Variants in PCNX2 observed in about 807,000 individuals in gnomAD.
PCNX2 encodes pecanex 2.
Under a neutral mutation model 223.8 loss-of-function variants are expected in PCNX2, and 168 were observed. The observed-to-expected ratio is 0.75, with a 90% confidence interval of 0.66 to 0.85. The LOEUF is 0.85. PCNX2 is among the 40% of genes least tolerant of loss of function. The pLI, the probability that PCNX2 is intolerant of heterozygous loss-of-function variation, is 0.00. For synonymous variants in PCNX2, 1,006 were observed against 1,052.6 expected (o/e 0.96, Z 0.86); for missense variants, 2,507 against 2,675.5 (o/e 0.94, Z 1.39).
chr1:233,110,724 A>G (rs1461952559), intron 21 of PCNX2, among the ~76,000 whole-genome samples: 1 of 151,930 alleles, frequency 6.6e-6, no homozygotes, highest in Admixed American at 6.6e-5. Context: ...TAAATATATG[A>G]CAATAATAGC....
chr1:233,109,879 C>T (rs1191576439), intron 21 of PCNX2, among the ~76,000 whole-genome samples: 4 of 152,162 alleles, frequency 2.6e-5, no homozygotes, highest in Non-Finnish European at 2.9e-5. Context: ...CTTTGGGAGG[C>T]CCAGGCGGGC....
chr1:233,308,699 A>T, the PCNX2 span, among the ~76,000 whole-genome samples: 1 of 152,286 alleles, frequency 6.6e-6, no homozygotes, highest in South Asian at 2.1e-4. Flanking sequence ...AATAGAGAAC[A>T]TCTAAAAAGA....
Position 233,119,018 on chromosome 1 carries a change from T to C in PCNX2, c.3837+15995A>G, listed in dbSNP as rs146049695. Among the ~76,000 whole-genome samples the C allele has an allele frequency of 8.2e-3, 1,248 of 152,152 alleles. 15 individuals are homozygous for C. Among genetic ancestry groups the C allele is most frequent in the African/African-American group, 0.027 (1,120 of 41,510 alleles). On this transcript the variant is annotated intron_variant, in intron 21 of 33. Transcript: ENST00000258229. Reference sequence around the variant, plus strand: ...GTGAAGGGATAAACAGATGGGTCAATAGAATAAAATATAGCACTCAGAAAT... The same window carrying C: ...GTGAAGGGATAAACAGATGGGTCAACAGAATAAAATATAGCACTCAGAAAT...
chr1:233,115,231 C>T (rs577992025), intron 21 of PCNX2, among the ~76,000 whole-genome samples: 111 of 151,902 alleles, frequency 7.3e-4, no homozygotes, highest in African/African-American at 2.3e-3. Flanking sequence ...GGTTACAGCC[C>T]GGAGACACAG....
chr1:233,312,616 G>A, the PCNX2 span, among the ~76,000 whole-genome samples: 1 of 152,140 alleles, frequency 6.6e-6, no homozygotes, highest in Non-Finnish European at 1.5e-5. Context: ...CAAATTCTCT[G>A]TATGAAGGTA....
At chr1:233,004,590 C>T (rs1303916996) in intron 28 of PCNX2, among the ~76,000 whole-genome samples, 2 of 152,098 alleles carry the variant, frequency 1.3e-5, no homozygotes, top group African/African-American at 4.8e-5. Flanking sequence ...CTGACAGGGC[C>T]GGCCTGGGAC....
chr1:233,265,124 T>C (rs1660259048), intron 1 of PCNX2, among the ~76,000 whole-genome samples: 1 of 151,894 alleles, frequency 6.6e-6, no homozygotes, highest in African/African-American at 2.4e-5. Flanking sequence ...GCACCTATAG[T>C]CCTTGCTACT....
At chr1:233,280,197 G>T (rs965062982) in intron 1 of PCNX2, among the ~76,000 whole-genome samples, 1 of 151,752 alleles carries the variant, frequency 6.6e-6, no homozygotes, top group Admixed American at 6.6e-5. Context: ...CCTGTTTCTA[G>T]TCATCTGCTA....
intron 28 of PCNX2, among the ~76,000 whole-genome samples, chr1:233,002,439 C>T (rs936101456): frequency 1.3e-5 from 2 of 152,080 alleles, no homozygotes; most frequent in Admixed American, 6.5e-5. Context: ...CCTAGGAATA[C>T]AACTTACAAG....
At chr1:233,046,739 C>G (rs1013108092) in intron 25 of PCNX2, among the ~76,000 whole-genome samples, 2 of 152,194 alleles carry the variant, frequency 1.3e-5, no homozygotes, top group African/African-American at 4.8e-5. Context: ...TTGGGGATGG[C>G]TACATCTGTC....
chr1:233,218,119 A>C lies in PCNX2; in HGVS notation c.2570T>G (p.Phe857Cys). 6.4e-7 allele frequency: 1 copy of C among 1,557,170 alleles called. No individual in the cohort carries two copies. The highest frequency in any genetic ancestry group is 2.4e-5 in the East Asian group (1 of 41,496). The change falls in exon 11 of 34, where the codon TTT (phenylalanine) becomes TGT (cysteine). Residue 857 changes from phenylalanine (F) to cysteine (C), a missense_variant. Coordinates refer to ENST00000258229, the MANE Select transcript of PCNX2 (RefSeq NM_014801.4). The part of the protein sequence containing the change: ...LLIVLVSLLG[F>C]LTLSQGFCKD... ...GCAAAAGCCTTGGCTCAAGGTCAGA[A>C]ATCCAAGGAGGGAAACCAGGACAAT...
Position 233,259,299 on chromosome 1 carries a change from G to A in PCNX2, c.563C>T (p.Thr188Ile). Residue 188 changes from threonine to isoleucine, a missense_variant, in exon 5 of 34, where the codon ACC becomes ATC. By Grantham distance (89) the Thr-to-Ile change is moderately conservative. Around this residue, in one of 3 missense-constraint regions of PCNX2, gnomAD observed 1,031 missense variants for 1,021.7 expected, o/e 1.01. Coordinates refer to ENST00000258229, the MANE Select transcript of PCNX2 (RefSeq NM_014801.4). ...GCTTTCCACTTTGATACCAGGTGAG[G>A]TAGATGACACTGGTGCTATGGGATG... ...EDHPIAPVSS[T>I]SPGIKVESLP... The A allele has an allele frequency of 1.9e-6, 3 of 1,613,904 alleles. No homozygotes were observed. The highest frequency in any genetic ancestry group is 2.5e-6 in the Non-Finnish European group (3 of 1,179,856).
intron 21 of PCNX2, among the ~76,000 whole-genome samples, chr1:233,107,844 C>G (rs1044731261): frequency 6.6e-6 from 1 of 152,262 alleles, no homozygotes; most frequent in Admixed American, 6.5e-5. Context: ...ACACTTAAGG[C>G]ATCCTAAGTC....
In PCNX2 at chr1:233,236,840, C is replaced by T. The variant is rs371732276; in HGVS notation, c.2358+5G>A. On this transcript the variant is annotated splice_donor_5th_base_variant and intron_variant, in intron 9 of 33. Coordinates refer to ENST00000258229, the MANE Select transcript of PCNX2 (RefSeq NM_014801.4). ...CCACAAACAGCAATTCTGGAATGTACGTACCCGTGGGGTTTCCGACTGGGT... is the reference window on the plus strand; with the variant it reads ...CCACAAACAGCAATTCTGGAATGTATGTACCCGTGGGGTTTCCGACTGGGT... 44 of 1,613,134 alleles carry T rather than the reference C, an allele frequency of 2.7e-5. No homozygotes were observed. The highest frequency in any genetic ancestry group is 3.4e-5 in the Non-Finnish European group (40 of 1,179,728).
At chr1:233,075,002 A>G (rs1453152891) in intron 23 of PCNX2, among the ~76,000 whole-genome samples, 2 of 152,196 alleles carry the variant, frequency 1.3e-5, no homozygotes, top group African/African-American at 4.8e-5. Context: ...CCCCTCTGAA[A>G]GAGTTTTACA....
intron 3 of PCNX2, 100 bp from the exon 4 acceptor site, chr1:233,261,421 G>A: frequency 9.5e-7 from 1 of 1,054,438 alleles, no homozygotes; most frequent in Non-Finnish European, 1.5e-6. Context: ...TTTTCTAAAT[G>A]GCATGTAGGG....
intron 21 of PCNX2, among the ~76,000 whole-genome samples, chr1:233,122,017 C>G (rs1675822088): frequency 6.6e-6 from 1 of 150,986 alleles, no homozygotes; most frequent in African/African-American, 2.4e-5. Flanking sequence ...AGGACTGATT[C>G]AGGAAGTATG....
chr1:233,099,191 G>T (rs1435933363), intron 21 of PCNX2, among the ~76,000 whole-genome samples: 1 of 152,162 alleles, frequency 6.6e-6, no homozygotes, highest in Non-Finnish European at 1.5e-5. Flanking sequence ...ATGCCTCCTT[G>T]AGGCCATGGG....
At chr1:233,064,415 T>C (rs1672515839) in intron 23 of PCNX2, among the ~76,000 whole-genome samples, 1 of 152,232 alleles carries the variant, frequency 6.6e-6, no homozygotes, top group African/African-American at 2.4e-5. Context: ...TCCCTCTCTC[T>C]GACCAGTTGA....
Sources: gnomAD v4.1 joint callset for allele counts (sites outside exome capture counted in the v4.1 genomes callset) on GRCh38, gnomAD v4.1.1 for gene constraint, gnomAD v4.1.1 regional missense constraint, MANE v1.5 for transcripts, NCBI Gene and HGNC (gene_info 2026-07-23, HGNC 2026-07-21) for gene names.